Variants in TRAPPC9 observed in about 807,000 individuals in gnomAD.
TRAPPC9 encodes IKK2 binding protein.
In TRAPPC9, 83 loss-of-function variants were observed where a neutral mutation model predicts 124.0. The observed-to-expected ratio is 0.67, with a 90% CI of 0.56 to 0.80. The LOEUF (loss-of-function observed/expected upper bound fraction) is 0.80, where lower values mean the gene tolerates loss of function less well. TRAPPC9 is among the 30% of genes least tolerant of loss of function. The probability of loss-of-function intolerance (pLI) is 0.00; values close to 1 mark genes in which losing one functional copy is unlikely to be tolerated. For synonymous variants in TRAPPC9, 638 were observed against 617.5 expected (o/e 1.03, Z -0.49); for missense variants, 1,302 against 1,508.3 (o/e 0.86, Z 2.27).
rs544159106 is a variant in TRAPPC9 at position 139,776,838 on chromosome 8, C to G, written c.3056-44636G>C. On this transcript the variant is annotated intron_variant, in intron 21 of 22. Coordinates refer to ENST00000438773, the MANE Select transcript of TRAPPC9 (RefSeq NM_001160372.4). This position sits in a 1 kb window ranked among gnomAD's most constrained non-coding sequence, Gnocchi z 4.1. ...ATTCTGAGGCAATAAAAGCCAAAGT[C>G]CATTGCGCCTGTGACTTACTATAAA... 2.6e-4 allele frequency among the ~76,000 whole-genome samples: 39 copies of G among 152,330 alleles called. No homozygotes were observed. Among genetic ancestry groups the G allele is most frequent in the Admixed American group, 2.2e-3 (33 of 15,312 alleles).
intron 9 of TRAPPC9, among the ~76,000 whole-genome samples, chr8:140,325,730 G>A (rs1186588115): frequency 6.6e-6 from 1 of 152,130 alleles, no homozygotes; most frequent in East Asian, 1.9e-4. Flanking sequence ...AGAAAACAAA[G>A]GAGCGAATAC....
At chr8:140,164,494 C>T (rs2061800470) in intron 17 of TRAPPC9, among the ~76,000 whole-genome samples, 1 of 152,242 alleles carries the variant, frequency 6.6e-6, no homozygotes, top group Non-Finnish European at 1.5e-5. Flanking sequence ...TCTGCATTTT[C>T]CCATCCCTCA....
chr8:140,170,622 T>C (rs567540344), intron 17 of TRAPPC9, among the ~76,000 whole-genome samples: 67 of 152,290 alleles, frequency 4.4e-4, no homozygotes, highest in African/African-American at 1.5e-3. Flanking sequence ...CAAGGAGGCA[T>C]GAAGAAGGCT....
intron 21 of TRAPPC9, among the ~76,000 whole-genome samples, chr8:139,771,011 A>G (rs1475263616): frequency 2.0e-5 from 3 of 152,196 alleles, no homozygotes; most frequent in Non-Finnish European, 4.4e-5. Context: ...GAACTGGTCT[A>G]GAAAGTGTAC....
chr8:140,176,577 A>G lies in TRAPPC9; in HGVS notation c.2556+44882T>C, dbSNP rs904259967. 3.9e-5 allele frequency among the ~76,000 whole-genome samples: 6 copies of G among 152,116 alleles called. No individual in the cohort carries two copies. The East Asian group carries it at 1.2e-3, about 29-fold the overall frequency. On this transcript the variant is annotated intron_variant, in intron 17 of 22. Transcript: ENST00000438773. ...TTTATCCATTCATCTGTTCCTGGAC[A>G]TTTTGTTTCCAGTTTGGGGCTATTA...
chr8:140,178,181 T>C (rs1333779445), intron 17 of TRAPPC9, among the ~76,000 whole-genome samples: 1 of 152,150 alleles, frequency 6.6e-6, no homozygotes, highest in Admixed American at 6.5e-5. Context: ...AAGTAATGAA[T>C]ATGAACATCC....
At chr8:139,755,119 G>A (rs528877416) in intron 21 of TRAPPC9, among the ~76,000 whole-genome samples, 6 of 152,366 alleles carry the variant, frequency 3.9e-5, no homozygotes, top group Non-Finnish European at 7.3e-5. Context: ...CATGAGCTCC[G>A]AGCCTCGTCT....
intron 21 of TRAPPC9, among the ~76,000 whole-genome samples, chr8:139,755,927 G>A (rs1403442125): frequency 8.2e-5 from 10 of 122,326 alleles, no homozygotes; most frequent in South Asian, 8.0e-4. Context: ...GCCAGGGTTT[G>A]GGGATGAGGA....
chr8:140,213,396 C>T (rs1413545760), intron 17 of TRAPPC9, among the ~76,000 whole-genome samples: 2 of 152,192 alleles, frequency 1.3e-5, no homozygotes, highest in African/African-American at 4.8e-5. Context: ...CCAACTCTCT[C>T]ATTTCTAATA....
chr8:140,413,441 G>A (rs1472283256), intron 5 of TRAPPC9, among the ~76,000 whole-genome samples: 1 of 150,254 alleles, frequency 6.7e-6, no homozygotes, highest in African/African-American at 2.4e-5. Flanking sequence ...CATGATGAAA[G>A]GAACATAAGC....
intron 20 of TRAPPC9, among the ~76,000 whole-genome samples, chr8:139,888,153 G>A (rs769598065): frequency 9.2e-5 from 14 of 152,326 alleles, no homozygotes; most frequent in African/African-American, 3.4e-4. Context: ...TAGAGAATCC[G>A]AGGGCTTGGG....
chr8:139,865,033 T>C (rs1033956655), intron 21 of TRAPPC9, among the ~76,000 whole-genome samples: 10 of 152,114 alleles, frequency 6.6e-5, no homozygotes, highest in African/African-American at 2.2e-4. Flanking sequence ...TCTGCACTCA[T>C]TAGCACCGGT....
In TRAPPC9 at chr8:140,111,528, G is replaced by A. The variant is rs1218400449; in HGVS notation, c.2557-87449C>T. Reference sequence around the variant, plus strand: ...CTTCCCTAACAGCACCTGGAACGAGGTGGGCACTCAGCGACAGCTGCACTG... The same window carrying A: ...CTTCCCTAACAGCACCTGGAACGAGATGGGCACTCAGCGACAGCTGCACTG... On this transcript the variant is annotated intron_variant, in intron 17 of 22. Transcript: ENST00000438773. Among the ~76,000 whole-genome samples the A allele has an allele frequency of 3.9e-5, 6 of 152,192 alleles. No individual in the cohort carries two copies. In the East Asian group the frequency reaches 7.7e-4, roughly 20 times the overall value.
chr8:139,930,914 G>T (rs1051171040), intron 19 of TRAPPC9, among the ~76,000 whole-genome samples: 6 of 152,196 alleles, frequency 3.9e-5, no homozygotes, highest in Admixed American at 3.9e-4. Context: ...TTAGCTCATT[G>T]ACTCTGCACT....
At position 140,451,140 on chromosome 8, in the gene TRAPPC9, C is replaced by T. The variant is rs2071444082; in HGVS notation, c.234G>A (p.Val78=). 1 of 1,613,886 alleles carries T rather than the reference C, an allele frequency of 6.2e-7. No individual in the cohort carries two copies. The highest frequency in any genetic ancestry group is 1.7e-5 in the Admixed American group (1 of 59,978). Residue 78 remains valine (V), a synonymous_variant, in exon 2 of 23, where the codon GTG becomes GTA. Transcript: ENST00000438773. ...WGDFQTHRKV[V]GLITITDCFS... is the part of the protein sequence containing the mutation. Reference sequence around the variant, plus strand: ...AGCAGTCTGTGATGGTGATGAGGCCCACGACTTTGCGGTGGGTCTGGAAGT... The same window carrying T: ...AGCAGTCTGTGATGGTGATGAGGCCTACGACTTTGCGGTGGGTCTGGAAGT...
chr8:139,731,016 G>C lies in TRAPPC9; in HGVS notation c.*45C>G, dbSNP rs773182942. 1 of 1,603,258 alleles carries C rather than the reference G, an allele frequency of 6.2e-7. No individual in the cohort carries two copies. Among genetic ancestry groups the C allele is most frequent in the Admixed American group, 1.7e-5 (1 of 59,536 alleles). Reference sequence around the variant, plus strand: ...TGCAGGGGGTGTGGGAGGCCAGGCAGGGTCACCTCTGGCCCTGCAGAAAGA... The same window carrying C: ...TGCAGGGGGTGTGGGAGGCCAGGCACGGTCACCTCTGGCCCTGCAGAAAGA... On this transcript the variant is annotated 3_prime_UTR_variant, in exon 23 of 23. Transcript: ENST00000438773.
intron 17 of TRAPPC9, among the ~76,000 whole-genome samples, chr8:140,163,993 G>C (rs1337688358): frequency 6.6e-6 from 1 of 152,194 alleles, no homozygotes; most frequent in Admixed American, 6.5e-5. Context: ...GTGAAGACAA[G>C]ATACAAAAAG....
At chr8:139,863,363 G>T (rs1257380289) in intron 21 of TRAPPC9, among the ~76,000 whole-genome samples, 1 of 152,232 alleles carries the variant, frequency 6.6e-6, no homozygotes, top group Non-Finnish European at 1.5e-5. Flanking sequence ...GCACAGGGAG[G>T]AGGCACGGAG....
intron 17 of TRAPPC9, among the ~76,000 whole-genome samples, chr8:140,167,825 G>T (rs564580335): frequency 1.3e-5 from 2 of 152,284 alleles, no homozygotes; most frequent in South Asian, 4.1e-4. Flanking sequence ...AATTAAATGG[G>T]AACATCTCCA....
Sources: allele counts gnomAD v4.1 joint callset (sites outside exome capture counted in the v4.1 genomes callset), GRCh38; gene constraint gnomAD v4.1.1; non-coding constraint Gnocchi (gnomAD v3.1); transcripts MANE v1.5; gene names NCBI Gene and HGNC (gene_info 2026-07-23, HGNC 2026-07-21).